The following REDIC1 variants were observed in gnomAD, a reference collection of about 807,000 sequenced individuals.
REDIC1 encodes regulator of DNA class I crossover intermediates 1.
At chr12:39,672,560 T>G in the REDIC1 span, among the ~76,000 whole-genome samples, 2 of 152,118 alleles carry the variant, frequency 1.3e-5, no homozygotes, top group African/African-American at 2.4e-5. Flanking sequence ...ACCCTGTCAC[T>G]GGGGGCAGCT....
chr12:39,793,382 G>T, the REDIC1 span, among the ~76,000 whole-genome samples: 136 of 152,114 alleles, frequency 8.9e-4, no homozygotes, highest in African/African-American at 3.2e-3. Context: ...TATTGGTAAA[G>T]ACATCAATTC....
the REDIC1 span, among the ~76,000 whole-genome samples, chr12:39,661,582 ATT>A: frequency 6.6e-6 from 1 of 151,848 alleles, no homozygotes; most frequent in Non-Finnish European, 1.5e-5. Flanking sequence ...ATTTGCAAAT[ATT>A]TTCTTTCATT....
the REDIC1 span, among the ~76,000 whole-genome samples, chr12:39,823,316 C>A: frequency 1.1e-4 from 17 of 152,032 alleles, no homozygotes; most frequent in Non-Finnish European, 2.5e-4. Context: ...TTTTTCTATC[C>A]CTTATGTGAC....
chr12:39,694,149 G>A, the REDIC1 span, among the ~76,000 whole-genome samples: 10 of 151,846 alleles, frequency 6.6e-5, no homozygotes, highest in African/African-American at 2.2e-4. Context: ...TTTTTTCTTG[G>A]TATTTAAGGG....
chr12:39,631,801 G>A, the REDIC1 span, among the ~76,000 whole-genome samples: 1 of 152,082 alleles, frequency 6.6e-6, no homozygotes, highest in East Asian at 1.9e-4. Flanking sequence ...TTAACGAAAT[G>A]CAATTTTAAA....
At chr12:39,840,630 C>T in the REDIC1 span, among the ~76,000 whole-genome samples, 1 of 151,972 alleles carries the variant, frequency 6.6e-6, no homozygotes, top group Non-Finnish European at 1.5e-5. Flanking sequence ...ACTTCCTTTG[C>T]TTCAAGACTC....
At chr12:39,712,866 C>T in the REDIC1 span, among the ~76,000 whole-genome samples, 1 of 13,996 alleles carries the variant, frequency 7.1e-5, no homozygotes, top group African/African-American at 1.1e-4. Context: ...TGTATATACA[C>T]GTATATACAC....
At chr12:39,750,177 T>G in the REDIC1 span, among the ~76,000 whole-genome samples, 1 of 152,208 alleles carries the variant, frequency 6.6e-6, no homozygotes, top group Non-Finnish European at 1.5e-5. Context: ...ACCCATTGTC[T>G]CAGCCCAAAA....
the REDIC1 span, among the ~76,000 whole-genome samples, chr12:39,838,321 T>C: frequency 7.9e-6 from 1 of 125,888 alleles, no homozygotes; most frequent in African/African-American, 3.0e-5. Context: ...AAGGGGAATA[T>C]CACACTCTGG....
chr12:39,865,640 C>A, the REDIC1 span, among the ~76,000 whole-genome samples: 3 of 151,806 alleles, frequency 2.0e-5, no homozygotes, highest in Non-Finnish European at 4.4e-5. Flanking sequence ...TGAGGGTAAA[C>A]GAAAAGGGTC....
the REDIC1 span, chr12:39,757,786 A>G: frequency 1.3e-5 from 2 of 152,242 alleles, no homozygotes; most frequent in African/African-American, 4.8e-5. Context: ...GGAAATAACA[A>G]GAGTCCAGTT....
At chr12:39,641,628 A>C in the REDIC1 span, among the ~76,000 whole-genome samples, 3 of 151,804 alleles carry the variant, frequency 2.0e-5, no homozygotes, top group African/African-American at 7.2e-5. Context: ...CAAATGTATA[A>C]GCTACATATA....
chr12:39,797,303 C>T, the REDIC1 span, among the ~76,000 whole-genome samples: 1 of 152,142 alleles, frequency 6.6e-6, no homozygotes, highest in Non-Finnish European at 1.5e-5. Context: ...TTGAAAAATG[C>T]TAACATTTTC....
chr12:39,856,917 C>A, the REDIC1 span, among the ~76,000 whole-genome samples: 1 of 152,048 alleles, frequency 6.6e-6, no homozygotes, highest in Admixed American at 6.6e-5. Flanking sequence ...GTAAGGTTTT[C>A]TTGGTCTTTA....
At chr12:39,835,245 C>A in the REDIC1 span, among the ~76,000 whole-genome samples, 1 of 152,004 alleles carries the variant, frequency 6.6e-6, no homozygotes, top group Non-Finnish European at 1.5e-5. Flanking sequence ...CTCAAGAGCA[C>A]ACATTGTCTA....
the REDIC1 span, among the ~76,000 whole-genome samples, chr12:39,826,488 C>T: frequency 6.7e-6 from 1 of 148,182 alleles, no homozygotes; most frequent in African/African-American, 2.5e-5. Context: ...TCTTACTATA[C>T]TTTGAGTCTC....
At chr12:39,902,291 G>A in the REDIC1 span, among the ~76,000 whole-genome samples, 1 of 151,538 alleles carries the variant, frequency 6.6e-6, no homozygotes, top group African/African-American at 2.4e-5. Flanking sequence ...GTATACATAT[G>A]TAACTAACCT....
chr12:39,906,410 T>C, the REDIC1 span, among the ~76,000 whole-genome samples: 1 of 152,156 alleles, frequency 6.6e-6, no homozygotes, highest in Admixed American at 6.6e-5. Flanking sequence ...CATGCATACC[T>C]ACACACAATA....
At chr12:39,673,049 C>A in the REDIC1 span, among the ~76,000 whole-genome samples, 1 of 152,058 alleles carries the variant, frequency 6.6e-6, no homozygotes, top group Non-Finnish European at 1.5e-5. Context: ...AGAATGTGGA[C>A]TGCTGGGGAT....
Sources: allele counts gnomAD v4.1 joint callset (sites outside exome capture counted in the v4.1 genomes callset), GRCh38; gene constraint gnomAD v4.1.1; transcripts MANE v1.5; gene names NCBI Gene and HGNC (gene_info 2026-07-23, HGNC 2026-07-21).